CNGA1: variants seen among roughly 807,000 people sequenced by gnomAD.
The protein encoded by CNGA1 is cyclic nucleotide gated channel subunit alpha 1, also known as cyclic nucleotide-gated channel alpha-1.
In CNGA1, 53 loss-of-function variants were observed where a neutral mutation model predicts 69.7. That is an observed-to-expected ratio of 0.76 (90% CI 0.61 to 0.96). The LOEUF (loss-of-function observed/expected upper bound fraction) is 0.96. Among genes scored for constraint, CNGA1 ranks in the 40% least tolerant of loss-of-function variants. The probability of loss-of-function intolerance (pLI) is 0.00; values close to 1 mark genes in which losing one functional copy is unlikely to be tolerated. For missense variants in CNGA1, 739 were observed against 811.2 expected, an observed-to-expected ratio of 0.91 and a Z score of 1.08; for synonymous variants, 249 against 283.5, an observed-to-expected ratio of 0.88 and a Z score of 1.22.
intron 3 of CNGA1, among the ~76,000 whole-genome samples, chr4:47,978,555 C>G (rs1381903763): frequency 6.6e-6 from 1 of 152,052 alleles, no homozygotes; most frequent in Non-Finnish European, 1.5e-5. Flanking sequence ...TATCATCTTC[C>G]TAAGTATCTT....
intron 6 of CNGA1, among the ~76,000 whole-genome samples, chr4:47,947,289 G>A (rs1379262595): frequency 6.6e-6 from 1 of 152,180 alleles, no homozygotes; most frequent in African/African-American, 2.4e-5. Flanking sequence ...CTGCACCACA[G>A]CCTCACTTAG....
intron 2 of CNGA1, among the ~76,000 whole-genome samples, chr4:47,994,123 T>C (rs1742384178): frequency 2.6e-5 from 4 of 152,174 alleles, no homozygotes; most frequent in Non-Finnish European, 5.9e-5. Context: ...GAAAGTTCCA[T>C]GCACTGTCAA....
intron 3 of CNGA1, among the ~76,000 whole-genome samples, chr4:47,967,325 A>T (rs1440918378): frequency 6.6e-6 from 1 of 152,034 alleles, no homozygotes; most frequent in Admixed American, 6.6e-5. Flanking sequence ...AACAAAACAA[A>T]AAAAAAGAAA....
intron 3 of CNGA1, among the ~76,000 whole-genome samples, chr4:47,974,708 A>ATT (rs1166865985): frequency 1.8e-5 from 2 of 112,094 alleles, no homozygotes; most frequent in Non-Finnish European, 4.0e-5. Flanking sequence ...TGCAGAACTA[A>ATT]GTTTTTTTTT....
At chr4:48,003,704 A>G (rs1226962118) in intron 2 of CNGA1, among the ~76,000 whole-genome samples, 2 of 152,178 alleles carry the variant, frequency 1.3e-5, no homozygotes, top group African/African-American at 4.8e-5. Flanking sequence ...CTGAGGAGAC[A>G]TTGGGAGAAG....
At chr4:47,943,582 C>A (rs1739224385) in intron 6 of CNGA1, among the ~76,000 whole-genome samples, 170 bp from the exon 7 acceptor site, 1 of 151,956 alleles carries the variant, frequency 6.6e-6, no homozygotes, top group African/African-American at 2.4e-5. Context: ...GGGGGTGGGG[C>A]AGACAATTAT....
chr4:47,942,993 G>A, intron 8 of CNGA1, 188 bp downstream of exon 8: 1 of 500,622 alleles, frequency 2.0e-6, no homozygotes, highest in Admixed American at 3.5e-5. Context: ...TAGGGAAATT[G>A]GAAAAAGTTT....
In CNGA1 at chr4:47,972,616, G is replaced by A. The variant is rs143004110; in HGVS notation, c.-15+8777C>T. ...TTTTTGATTCACATTTACTAGTGAA[G>A]TTAGACAAACTCTCATGTGTTTATT... On this transcript the variant is annotated intron_variant, in intron 3 of 10. Transcript: ENST00000514170. 1.2e-3 allele frequency among the ~76,000 whole-genome samples: 181 copies of A among 152,296 alleles called. 1 individual carries two copies. The highest frequency in any genetic ancestry group is 3.4e-3 in the Middle Eastern group (1 of 294).
chr4:47,969,759 C>G (rs1740918218), intron 3 of CNGA1, among the ~76,000 whole-genome samples: 1 of 151,926 alleles, frequency 6.6e-6, no homozygotes, highest in Non-Finnish European at 1.5e-5. Context: ...AATAAGCCAC[C>G]ACGCCCCGCC....
At chr4:47,938,681 G>A (rs560389185) in intron 10 of CNGA1, among the ~76,000 whole-genome samples, 13 of 152,088 alleles carry the variant, frequency 8.5e-5, no homozygotes, top group Non-Finnish European at 1.8e-4. Flanking sequence ...ATGAGCCACT[G>A]AGCGCGGCCC....
intron 3 of CNGA1, among the ~76,000 whole-genome samples, chr4:47,956,670 A>G (rs966090739): frequency 1.3e-5 from 2 of 152,164 alleles, no homozygotes; most frequent in Non-Finnish European, 2.9e-5. Flanking sequence ...AACATTGGAA[A>G]TGGTTGCCAA....
At chr4:48,003,054 T>A (rs1462310598) in intron 2 of CNGA1, among the ~76,000 whole-genome samples, 1 of 152,212 alleles carries the variant, frequency 6.6e-6, no homozygotes, top group East Asian at 1.9e-4. Flanking sequence ...CACAACCCCA[T>A]GACACAGCCT....
chr4:47,997,277 G>A (rs1578122746), intron 2 of CNGA1, among the ~76,000 whole-genome samples: 1 of 152,008 alleles, frequency 6.6e-6, no homozygotes, highest in East Asian at 1.9e-4. Flanking sequence ...TTCTTCCACA[G>A]GCCTACCCCT....
intron 2 of CNGA1, among the ~76,000 whole-genome samples, chr4:47,987,210 A>G (rs1454491251): frequency 6.6e-6 from 1 of 152,024 alleles, no homozygotes; most frequent in Non-Finnish European, 1.5e-5. Context: ...TATTTAACCT[A>G]CCTCTAACTA....
chr4:47,988,145 T>A (rs1742068544), intron 2 of CNGA1, among the ~76,000 whole-genome samples: 1 of 152,082 alleles, frequency 6.6e-6, no homozygotes, highest in Non-Finnish European at 1.5e-5. Flanking sequence ...TGATTGATTG[T>A]TTGTGGGGTG....
At chr4:48,006,435 A>C (rs1714920025) in intron 2 of CNGA1, among the ~76,000 whole-genome samples, 1 of 152,154 alleles carries the variant, frequency 6.6e-6, no homozygotes, top group African/African-American at 2.4e-5. Flanking sequence ...GAATTATAGA[A>C]GTTTCCCATA....
chr4:47,999,875 A>G (rs534702975), intron 2 of CNGA1, among the ~76,000 whole-genome samples: 3 of 152,202 alleles, frequency 2.0e-5, no homozygotes, highest in South Asian at 2.1e-4. Context: ...TCATTTCAAA[A>G]CTAATAATAA....
intron 2 of CNGA1, among the ~76,000 whole-genome samples, chr4:47,999,097 T>G (rs571262051): frequency 6.6e-6 from 1 of 152,098 alleles, no homozygotes; most frequent in Non-Finnish European, 1.5e-5. Context: ...AAGGTGAATA[T>G]AGTATAAGAT....
chr4:47,974,167 A>T (rs1298297303), intron 3 of CNGA1, among the ~76,000 whole-genome samples: 2 of 148,342 alleles, frequency 1.3e-5, no homozygotes, highest in African/African-American at 5.0e-5. Context: ...AATTTAAAAA[A>T]GAAAAAGCAA....
Sources: gnomAD v4.1 joint callset for allele counts (sites outside exome capture counted in the v4.1 genomes callset) on GRCh38, gnomAD v4.1.1 for gene constraint, MANE v1.5 for transcripts, NCBI Gene and HGNC (gene_info 2026-07-23, HGNC 2026-07-21) for gene names.